Variants in EML1 observed in about 807,000 individuals in gnomAD.
EML1 encodes echinoderm microtubule-associated protein-like 1.
EML1 carries 27 observed loss-of-function variants against 110.4 expected under a neutral mutation model. The observed-to-expected ratio is 0.24, with a 90% CI of 0.18 to 0.34. EML1 has a LOEUF of 0.34. EML1 is among the 10% of genes least tolerant of loss of function. The pLI is 1.00. For missense variants in EML1, 741 were observed against 1,030.9 expected, an observed-to-expected ratio of 0.72 and a Z score of 3.85; for synonymous variants, 344 against 385.8, an observed-to-expected ratio of 0.89 and a Z score of 1.27.
chr14:99,922,436 C>T (rs1455900004), intron 17 of EML1, among the ~76,000 whole-genome samples: 1 of 152,070 alleles, frequency 6.6e-6, no homozygotes, highest in Non-Finnish European at 1.5e-5. Flanking sequence ...TAGATTGTTT[C>T]TGGTTTTTTA....
At chr14:99,826,709 A>G (rs1041846215) in intron 1 of EML1, among the ~76,000 whole-genome samples, 25 of 149,422 alleles carry the variant, frequency 1.7e-4, no homozygotes, top group East Asian at 5.9e-4. Flanking sequence ...GCTTCTTGGG[A>G]AAAAAAAACA....
intron 15 of EML1, 95 bp downstream of exon 15, chr14:99,914,792 TG>T (rs2060006232): frequency 6.9e-7 from 1 of 1,455,416 alleles, no homozygotes; most frequent in Non-Finnish European, 9.1e-7. Flanking sequence ...GATACAAAGT[TG>T]TCCCAAAGCA....
chr14:99,886,845 A>G (rs970802933), intron 4 of EML1, among the ~76,000 whole-genome samples: 5 of 152,154 alleles, frequency 3.3e-5, no homozygotes, highest in African/African-American at 1.2e-4. Context: ...CGTCCACTGG[A>G]CTCTCCTCCT....
chr14:99,826,756 C>T (rs761203685), intron 1 of EML1, among the ~76,000 whole-genome samples: 1 of 151,786 alleles, frequency 6.6e-6, no homozygotes, highest in Non-Finnish European at 1.5e-5. Flanking sequence ...CAGAAAAAGA[C>T]GAGACTATTG....
intron 2 of EML1, 140 bp downstream of exon 2, chr14:99,851,175 CAT>C: frequency 3.3e-6 from 3 of 916,732 alleles, no homozygotes; most frequent in Non-Finnish European, 4.8e-6. Flanking sequence ...GCACTGTCAA[CAT>C]AATCACACGA....
Position 99,802,027 on chromosome 14 carries a change from A to G in EML1, c.67+8484A>G, listed in dbSNP as rs565809697. On this transcript the variant is annotated intron_variant, in intron 1 of 21. Coordinates refer to ENST00000262233, the MANE Select transcript of EML1 (RefSeq NM_004434.3). ...GTTGTTCTAAGAAGTGTAAGGAACA[A>G]TGGTAGGGTATTGCAGCACTGGGGG... Among the ~76,000 whole-genome samples the G allele has an allele frequency of 8.5e-5, 13 of 152,260 alleles. No individual in the cohort carries two copies. The South Asian group carries it at 2.7e-3, about 32-fold the overall frequency.
rs529265872 is a variant in EML1 at position 99,815,924 on chromosome 14, G to C, written c.67+22381G>C. Among the ~76,000 whole-genome samples, 3 of 152,342 alleles carry C rather than the reference G, an allele frequency of 2.0e-5. No homozygotes were observed. The South Asian group carries it at 6.2e-4, about 32-fold the overall frequency. On this transcript the variant is annotated intron_variant, in intron 1 of 21. Transcript: ENST00000262233. ...AGAAATCTGACAGGGGTAAGAATCT[G>C]ACAGGGGTAAGAATGTGGAGATTCT...
rs1024352894 is a variant in EML1 at position 99,785,027 on chromosome 14, C to T, written c.-27+11014C>T. 3.3e-5 allele frequency among the ~76,000 whole-genome samples: 5 copies of T among 152,024 alleles called. No homozygotes were observed. The South Asian group carries it at 8.3e-4, about 25-fold the overall frequency. ...AAGCCAGTCTGCATGGTTAGGACTT[C>T]GCTATGTAGGCTTCTTTTTTTTTTC... On this transcript the variant is annotated intron_variant, in intron 1 of 22. Coordinates refer to the EML1 transcript ENST00000327921.
rs182342326 is a variant in EML1 at position 99,941,564 on chromosome 14, A to G, written c.*1452A>G. ...TTTCTTATTGACCTATATTCATGAA[A>G]GCATATAAATTAAAATATTTAAAAT... On this transcript the variant is annotated 3_prime_UTR_variant, in exon 22 of 22. Transcript: ENST00000262233. The G allele has an allele frequency of 6.6e-6, 1 of 152,360 alleles. No individual in the cohort carries two copies. Among genetic ancestry groups the G allele is most frequent in the Admixed American group, 6.5e-5 (1 of 15,300 alleles). The allele number at this position is 152,360 out of a possible 1,614,324, so 9.4% of individuals were successfully genotyped here.
At chr14:99,931,650 AGAG>A (rs1347396496) in intron 17 of EML1, among the ~76,000 whole-genome samples, 1 of 152,116 alleles carries the variant, frequency 6.6e-6, no homozygotes, top group Non-Finnish European at 1.5e-5. Context: ...TTTTTGGAGG[AGAG>A]GAGAACAATT....
At chr14:99,776,824 A>G (rs2057488091) in intron 1 of EML1, among the ~76,000 whole-genome samples, 1 of 152,230 alleles carries the variant, frequency 6.6e-6, no homozygotes, top group Non-Finnish European at 1.5e-5. Flanking sequence ...ATAAGAAGAC[A>G]TAGATTACAT....
At chr14:99,786,800 T>C (rs1027832922) in intron 1 of EML1, among the ~76,000 whole-genome samples, 6 of 152,126 alleles carry the variant, frequency 3.9e-5, no homozygotes, top group Non-Finnish European at 5.9e-5. Flanking sequence ...CAGCAGAGAA[T>C]GAAAGGACAT....
intron 12 of EML1, 83 bp downstream of exon 12, chr14:99,910,424 T>A: frequency 9.5e-7 from 1 of 1,054,684 alleles, no homozygotes; most frequent in Non-Finnish European, 1.4e-6. Context: ...AATTGTCTAT[T>A]AATACAACGT....
intron 4 of EML1, among the ~76,000 whole-genome samples, chr14:99,887,183 C>A (rs1371707122): frequency 6.6e-6 from 1 of 152,214 alleles, no homozygotes; most frequent in African/African-American, 2.4e-5. Flanking sequence ...GTACCTCATC[C>A]TCCGTTGAGT....
intron 1 of EML1, among the ~76,000 whole-genome samples, chr14:99,803,624 C>T (rs2057920727): frequency 6.6e-6 from 1 of 152,094 alleles, no homozygotes. Context: ...TAAGTAGAGA[C>T]GTTTGCAAAA....
upstream of EML1, among the ~76,000 whole-genome samples, chr14:99,770,020 C>G (rs978486475): frequency 6.6e-6 from 1 of 152,190 alleles, no homozygotes; most frequent in African/African-American, 2.4e-5. Flanking sequence ...ACTTTGCTCA[C>G]TTTGCTTTTC....
chr14:99,915,698 G>A (rs1253016158), intron 15 of EML1, among the ~76,000 whole-genome samples: 5 of 152,064 alleles, frequency 3.3e-5, no homozygotes, highest in African/African-American at 7.2e-5. Flanking sequence ...GCTAGTGTTA[G>A]AACCCAGCTC....
intron 1 of EML1, among the ~76,000 whole-genome samples, chr14:99,836,282 G>A (rs138526007): frequency 7.9e-5 from 12 of 152,080 alleles, no homozygotes; most frequent in African/African-American, 2.9e-4. Context: ...TTCATTTCTG[G>A]TACTATTATA....
intron 8 of EML1, among the ~76,000 whole-genome samples, chr14:99,900,181 C>CTTTTTTTTTTTTTTTTTTT (rs3071437): frequency 9.4e-6 from 1 of 106,648 alleles, no homozygotes. Context: ...ATATTAAGCT[C>CTTTTTTTTTTTTTTTTTTT]TTTTTTTTTT....
Sources: allele counts gnomAD v4.1 joint callset (sites outside exome capture counted in the v4.1 genomes callset), GRCh38; gene constraint gnomAD v4.1.1; transcripts MANE v1.5; gene names NCBI Gene and HGNC (gene_info 2026-07-23, HGNC 2026-07-21).